The following UBR3 variants were observed in gnomAD, a reference collection of about 807,000 sequenced individuals.
The protein encoded by UBR3 is E3 ubiquitin-protein ligase UBR3.
A neutral mutation model predicts 243.2 loss-of-function variants in UBR3; 85 were observed. The observed-to-expected ratio is 0.35, with a 90% CI of 0.29 to 0.42. The LOEUF (loss-of-function observed/expected upper bound fraction) is 0.42, where lower values mean the gene tolerates loss of function less well. Among genes scored for constraint, UBR3 ranks in the 10% least tolerant of loss-of-function variants. The pLI, the probability that UBR3 is intolerant of heterozygous loss-of-function variation, is 1.00. For synonymous variants in UBR3, 748 were observed against 799.8 expected, an observed-to-expected ratio of 0.94 and a Z score of 1.09; for missense variants, 1,686 against 2,300.8, an observed-to-expected ratio of 0.73 and a Z score of 5.47.
chr2:169,895,739 A>G (rs570604624), intron 7 of UBR3, among the ~76,000 whole-genome samples: 1 of 152,346 alleles, frequency 6.6e-6, no homozygotes, highest in Admixed American at 6.5e-5. Context: ...GCTGGTCACA[A>G]CTGCTAAAGA....
intron 1 of UBR3, among the ~76,000 whole-genome samples, chr2:169,837,347 G>A (rs2082143001): frequency 6.6e-6 from 1 of 152,120 alleles, no homozygotes; most frequent in Non-Finnish European, 1.5e-5. Flanking sequence ...GTGGTGGCGT[G>A]TGGCTGTAAT....
At chr2:169,988,383 T>C (rs1233105828) in intron 25 of UBR3, among the ~76,000 whole-genome samples, 3 of 152,360 alleles carry the variant, frequency 2.0e-5, no homozygotes, top group East Asian at 1.9e-4. Context: ...TGTTTTTAAG[T>C]TTATTTGGTC....
intron 1 of UBR3, among the ~76,000 whole-genome samples, chr2:169,852,949 C>G (rs1363291108): frequency 1.4e-5 from 2 of 139,680 alleles, no homozygotes; most frequent in African/African-American, 5.3e-5. Context: ...ATGTTTTTTT[C>G]TCAACCAAAT....
Position 169,852,986 on chromosome 2 carries a change from G to A in UBR3, c.546-19250G>A, listed in dbSNP as rs1451735168. On this transcript the variant is annotated intron_variant, in intron 1 of 38. Coordinates refer to ENST00000272793, the MANE Select transcript of UBR3 (RefSeq NM_172070.4). ...ATTAGCAAACGTGTGTATGAATAAT[G>A]ACTAAATTAAATAATTAACTTGAGA... Among the ~76,000 whole-genome samples, 3 of 150,206 alleles carry A rather than the reference G, an allele frequency of 2.0e-5. No individual in the cohort carries two copies. The Admixed American group carries it at 2.0e-4, about 10-fold the overall frequency.
At chr2:170,040,415 T>G (rs963283638) in intron 31 of UBR3, among the ~76,000 whole-genome samples, 1 of 152,170 alleles carries the variant, frequency 6.6e-6, no homozygotes, top group Non-Finnish European at 1.5e-5. Context: ...TGAAACATTT[T>G]AATAAGAGCA....
Position 169,924,186 on chromosome 2 carries a change from G to T in UBR3, c.2022+13G>T. The T allele has an allele frequency of 2.0e-6, 3 of 1,525,574 alleles. No individual in the cohort carries two copies. The highest frequency in any genetic ancestry group is 2.6e-6 in the Non-Finnish European group (3 of 1,138,002). The allele number at this position is 1,525,574 out of a possible 1,614,324, so 94.5% of individuals were successfully genotyped here. On this transcript the variant is annotated intron_variant, in intron 13 of 38. Coordinates refer to ENST00000272793, the MANE Select transcript of UBR3 (RefSeq NM_172070.4). ...ACTCCAAATTCAAGTATGTATTCAG[G>T]CATTTAAAAAGTTTTGAAGTGGATT...
At chr2:169,936,585 A>G (rs2086341789) in intron 19 of UBR3, among the ~76,000 whole-genome samples, 2 of 151,970 alleles carry the variant, frequency 1.3e-5, no homozygotes, top group African/African-American at 4.8e-5. Context: ...GGTTTCTTAC[A>G]TATGTATACA....
At position 169,927,395 on chromosome 2, in the gene UBR3, T is replaced by C; in HGVS notation, c.2414T>C (p.Leu805Ser). 6.5e-7 allele frequency: 1 copy of C among 1,548,436 alleles called. No homozygotes were observed. The highest frequency in any genetic ancestry group is 8.7e-7 in the Non-Finnish European group (1 of 1,145,562). The change falls in exon 17 of 39, where the codon TTG (leucine) becomes TCG (serine). Residue 805 changes from leucine to serine, a missense_variant. By Grantham distance (145) the Leu-to-Ser change is moderately radical. Transcript: ENST00000272793. Reference protein sequence around the residue: ...LCMNDRTHSSLLDLIPENPNP... With the variant: ...LCMNDRTHSSSLDLIPENPNP... ...ATGAATGACAGGACACACAGTTCAT[T>C]GCTGGACCTCATATCCTTTTAAAAT...
At chr2:170,077,279 A>G (rs2091829712) in intron 36 of UBR3, 1 of 747,774 alleles carries the variant, frequency 1.3e-6, no homozygotes, top group Non-Finnish European at 2.5e-6. Flanking sequence ...GTTGGTAACC[A>G]CAGCCTATTT....
intron 1 of UBR3, among the ~76,000 whole-genome samples, chr2:169,853,907 TCTTGGGACTTC>T (rs1441871461): frequency 6.6e-6 from 1 of 152,014 alleles, no homozygotes; most frequent in African/African-American, 2.4e-5. Context: ...AAAATTCTAG[TCTTGGGACTTC>T]CTTGGGCAAA....
At chr2:169,923,616 A>G (rs190027648) in intron 11 of UBR3, among the ~76,000 whole-genome samples, 2 of 152,290 alleles carry the variant, frequency 1.3e-5, no homozygotes, top group Admixed American at 6.5e-5. Context: ...AATCCATTCC[A>G]TCCCTTGTTT....
Position 170,079,951 on chromosome 2 carries a change from C to T in UBR3, c.5337C>T (p.Cys1779=). Residue 1779 remains cysteine (C), a synonymous_variant, in exon 37 of 39, where the codon TGC becomes TGT. Transcript: ENST00000272793. ...AGGTTCCTAAAGATCCTGCTGTTTG[C>T]CTTGTGTGTGGTACTTTTGTATGCC... ...CTKVPKDPAV[C]LVCGTFVCLK... 1.2e-6 allele frequency: 2 copies of T among 1,614,034 alleles called. No homozygotes were observed. The highest frequency in any genetic ancestry group is 1.7e-6 in the Non-Finnish European group (2 of 1,179,966).
rs1303178802 is a variant in UBR3 at position 170,083,086 on chromosome 2, T to C, written c.*1243T>C. The C allele has an allele frequency of 1.3e-5, 2 of 152,756 alleles. No individual in the cohort carries two copies. The highest frequency in any genetic ancestry group is 4.8e-5 in the African/African-American group (2 of 41,582). 9.5% of individuals were successfully genotyped at this position (152,756 alleles called of 1,614,324 possible). On this transcript the variant is annotated 3_prime_UTR_variant, in exon 39 of 39. Coordinates refer to ENST00000272793, the MANE Select transcript of UBR3 (RefSeq NM_172070.4). ...TGAATGATTATTTAATATATAGTGC[T>C]ATCAAGCAATCCCTGGTACTTTGGA...
At chr2:169,852,130 G>T (rs1427272753) in intron 1 of UBR3, among the ~76,000 whole-genome samples, 2 of 152,126 alleles carry the variant, frequency 1.3e-5, no homozygotes, top group Non-Finnish European at 2.9e-5. Context: ...TAATGCTAGA[G>T]CATAATTTGG....
chr2:169,964,530 G>A, intron 24 of UBR3: 1 of 451,192 alleles, frequency 2.2e-6, no homozygotes, highest in Non-Finnish European at 4.5e-6. Flanking sequence ...AGAATGGATG[G>A]AGATAGAGGT....
chr2:169,920,675 C>T (rs1161744650), intron 11 of UBR3, among the ~76,000 whole-genome samples: 1 of 152,122 alleles, frequency 6.6e-6, no homozygotes, highest in Non-Finnish European at 1.5e-5. Flanking sequence ...CCTAACGTTA[C>T]CATTTCAGGC....
At chr2:169,975,923 A>G (rs2088416478) in intron 24 of UBR3, among the ~76,000 whole-genome samples, 1 of 151,522 alleles carries the variant, frequency 6.6e-6, no homozygotes, top group Non-Finnish European at 1.5e-5. Flanking sequence ...TTTTGAACTG[A>G]TCTCTTTATC....
At position 169,846,103 on chromosome 2, in the gene UBR3, A is replaced by G. The variant is rs189597009; in HGVS notation, c.545+18051A>G. Among the ~76,000 whole-genome samples the G allele has an allele frequency of 5.3e-5, 8 of 152,114 alleles. 1 individual carries two copies. The highest frequency in any genetic ancestry group is 3.9e-4 in the East Asian group (2 of 5,166). On this transcript the variant is annotated intron_variant, in intron 1 of 38. Transcript: ENST00000272793. ...GTTGATATTGTTGTTCAGGTCTTCT[A>G]TGTTCTTACTGATTTTCTGTCTGCT...
At chr2:169,847,829 C>A (rs2082533734) in intron 1 of UBR3, among the ~76,000 whole-genome samples, 1 of 152,196 alleles carries the variant, frequency 6.6e-6, no homozygotes. Flanking sequence ...CTAATCCTTT[C>A]AAATGTTTTT....
Sources: gnomAD v4.1 joint callset for allele counts (sites outside exome capture counted in the v4.1 genomes callset) on GRCh38, gnomAD v4.1.1 for gene constraint, MANE v1.5 for transcripts, NCBI Gene and HGNC (gene_info 2026-07-23, HGNC 2026-07-21) for gene names.